Variants in ADAMTSL1 observed in about 807,000 individuals in gnomAD.
ADAMTSL1 encodes the protein ADAMTS like 1.
Under a neutral mutation model 201.8 loss-of-function variants are expected in ADAMTSL1, and 126 were observed. The ratio of observed to expected loss-of-function variants is 0.62; its 90% confidence interval spans 0.54 to 0.72. ADAMTSL1 has a LOEUF of 0.72. Among genes scored for constraint, ADAMTSL1 ranks in the 30% least tolerant of loss-of-function variants. The pLI is 0.00. For synonymous variants in ADAMTSL1, 1,121 were observed against 903.4 expected (o/e 1.24, Z -4.32); for missense variants, 2,679 against 2,277.8 (o/e 1.18, Z -3.59).
chr9:18,464,078 G>T (rs59918892), intron 2 of ADAMTSL1, among the ~76,000 whole-genome samples: 130 of 152,338 alleles, frequency 8.5e-4, no homozygotes, highest in African/African-American at 3.1e-3. Flanking sequence ...TGTTGCTGTT[G>T]TTCTTTCTTT....
intron 1 of ADAMTSL1, among the ~76,000 whole-genome samples, chr9:18,503,118 T>C (rs1369834122): frequency 6.6e-6 from 1 of 151,982 alleles, no homozygotes; most frequent in Non-Finnish European, 1.5e-5. Flanking sequence ...TACATTCACA[T>C]TGTTTTGCAA....
At chr9:18,524,247 T>C (rs1818891177) in intron 2 of ADAMTSL1, among the ~76,000 whole-genome samples, 1 of 152,206 alleles carries the variant, frequency 6.6e-6, no homozygotes, top group Admixed American at 6.5e-5. Flanking sequence ...TGTTTGTCTG[T>C]TATTGGTGTA....
intron 2 of ADAMTSL1, among the ~76,000 whole-genome samples, chr9:18,338,670 A>G (rs1166741817): frequency 6.6e-6 from 1 of 152,078 alleles, no homozygotes; most frequent in Non-Finnish European, 1.5e-5. Flanking sequence ...CAGGTTTGTT[A>G]CATCAGTAAA....
intron 15 of ADAMTSL1, among the ~76,000 whole-genome samples, chr9:18,733,020 G>T (rs760693911): frequency 2.0e-5 from 3 of 152,182 alleles, no homozygotes; most frequent in Non-Finnish European, 2.9e-5. Flanking sequence ...GCCAGTGGCA[G>T]GTCCAAACTT....
At chr9:18,036,424 A>G (rs79899972) in intron 1 of ADAMTSL1, among the ~76,000 whole-genome samples, 3,197 of 152,308 alleles carry the variant, frequency 0.021, 119 homozygotes, top group African/African-American at 0.073. Context: ...TAGACTGGAT[A>G]AATACTTTGT....
chr9:18,033,884 G>C (rs986908738), intron 1 of ADAMTSL1, among the ~76,000 whole-genome samples: 9 of 152,100 alleles, frequency 5.9e-5, no homozygotes, highest in Admixed American at 4.6e-4. Flanking sequence ...GTATATTTTT[G>C]TTGGTTATTT....
intron 4 of ADAMTSL1, among the ~76,000 whole-genome samples, chr9:18,604,981 C>T (rs956479446): frequency 6.6e-6 from 1 of 152,140 alleles, no homozygotes; most frequent in Non-Finnish European, 1.5e-5. Context: ...CAATACCATT[C>T]CCATAAAGAG....
chr9:18,657,575 G>C, intron 7 of ADAMTSL1, 64 bp from the exon 8 acceptor site: 1 of 1,265,358 alleles, frequency 7.9e-7, no homozygotes, highest in Non-Finnish European at 1.2e-6. Flanking sequence ...CTTGTTCGAA[G>C]CTGCAAGGGA....
chr9:18,181,278 T>A (rs554215354), intron 2 of ADAMTSL1, among the ~76,000 whole-genome samples: 32 of 152,122 alleles, frequency 2.1e-4, no homozygotes, highest in African/African-American at 5.5e-4. Flanking sequence ...AAGCCAAAAT[T>A]GACAAATGGG....
At chr9:18,247,723 G>A (rs1024501451) in intron 2 of ADAMTSL1, among the ~76,000 whole-genome samples, 3 of 152,176 alleles carry the variant, frequency 2.0e-5, no homozygotes, top group Admixed American at 1.3e-4. Flanking sequence ...CAAAGCAGAG[G>A]CTTCAAGGAG....
At chr9:18,702,201 A>G (rs1021816457) in intron 13 of ADAMTSL1, among the ~76,000 whole-genome samples, 3 of 152,192 alleles carry the variant, frequency 2.0e-5, no homozygotes, top group Admixed American at 6.5e-5. Context: ...CTCCCACAAC[A>G]CATGGGAATT....
rs142070375 is a variant in ADAMTSL1, at chr9:17,921,402, CA to C, written c.87+14485del. Among the ~76,000 whole-genome samples, 6 of 152,202 alleles carry C rather than the reference CA, an allele frequency of 3.9e-5. No homozygotes were observed. The East Asian group carries it at 9.7e-4, about 24-fold the overall frequency. ...ATTCCTCCACCAGTTTTCCATATTC[CA>C]AAAATTTATTTTCATCTTTCGCCTG... On this transcript the variant is annotated intron_variant, in intron 1 of 29. Coordinates refer to the ADAMTSL1 transcript ENST00000680146.
At chr9:18,032,511 G>A (rs1411580958) in intron 1 of ADAMTSL1, among the ~76,000 whole-genome samples, 1 of 152,152 alleles carries the variant, frequency 6.6e-6, no homozygotes, top group Non-Finnish European at 1.5e-5. Context: ...GGAGGGGTTG[G>A]CAGACAAGGG....
chr9:18,597,964 CTT>C (rs893753651), intron 4 of ADAMTSL1, among the ~76,000 whole-genome samples: 2 of 152,112 alleles, frequency 1.3e-5, no homozygotes, highest in African/African-American at 4.8e-5. Context: ...TCTATTGCCT[CTT>C]TGGTTAGACT....
At chr9:18,733,879 C>G (rs944730026) in intron 15 of ADAMTSL1, among the ~76,000 whole-genome samples, 2 of 151,720 alleles carry the variant, frequency 1.3e-5, no homozygotes, top group African/African-American at 2.4e-5. Flanking sequence ...TCCTTCAACT[C>G]TTTTTTTCTC....
chr9:17,952,584 C>A (rs1167231012), intron 1 of ADAMTSL1, among the ~76,000 whole-genome samples: 3 of 151,892 alleles, frequency 2.0e-5, no homozygotes, highest in Non-Finnish European at 2.9e-5. Context: ...TAGATACTAC[C>A]ATGTTTTTAT....
At chr9:18,378,107 G>T (rs969446848) in intron 2 of ADAMTSL1, among the ~76,000 whole-genome samples, 1 of 152,132 alleles carries the variant, frequency 6.6e-6, no homozygotes, top group African/African-American at 2.4e-5. Context: ...CTGTGTAAAA[G>T]GGTGGCGAGA....
intron 19 of ADAMTSL1, among the ~76,000 whole-genome samples, chr9:18,782,042 T>A (rs1821423317): frequency 6.6e-6 from 1 of 152,222 alleles, no homozygotes; most frequent in Non-Finnish European, 1.5e-5. Flanking sequence ...GTGTCCTTAG[T>A]GTGTTATGAC....
At chr9:18,337,504 C>T (rs1212739276) in intron 2 of ADAMTSL1, among the ~76,000 whole-genome samples, 1 of 152,076 alleles carries the variant, frequency 6.6e-6, no homozygotes, top group African/African-American at 2.4e-5. Flanking sequence ...AATTATTATC[C>T]ATATTGTTTC....
Sources: gnomAD v4.1 joint callset for allele counts (sites outside exome capture counted in the v4.1 genomes callset) on GRCh38, gnomAD v4.1.1 for gene constraint, MANE v1.5 for transcripts, NCBI Gene and HGNC (gene_info 2026-07-23, HGNC 2026-07-21) for gene names.